Variants in ZNF8 observed in about 807,000 individuals in gnomAD.
ZNF8 encodes the protein zinc finger protein 8.
ZNF8 carries 9 observed loss-of-function variants against 12.2 expected under a neutral mutation model. The observed-to-expected ratio is 0.73, with a 90% CI of 0.44 to 1.28. The LOEUF (loss-of-function observed/expected upper bound fraction) is 1.28, where lower values mean the gene tolerates loss of function less well. ZNF8 is among the 50% of genes most tolerant of loss of function. The pLI is 0.00. For missense variants in ZNF8, 664 were observed against 729.1 expected (o/e 0.91, Z 1.03); for synonymous variants, 274 against 282.3 (o/e 0.97, Z 0.30).
Position 58,294,577 on chromosome 19 carries a change from T to G in ZNF8, c.769T>G (p.Tyr257Asp). 6.2e-7 allele frequency: 1 copy of G among 1,614,086 alleles called. No homozygotes were observed. Among genetic ancestry groups the G allele is most frequent in the Non-Finnish European group, 8.5e-7 (1 of 1,180,022 alleles). Residue 257 changes from tyrosine to aspartate, a missense_variant, in exon 4 of 4, where the codon TAC becomes GAC. Physicochemically the swap from Tyr to Asp is radical, Grantham distance 160. Around this residue, in one of 3 missense-constraint regions of ZNF8, gnomAD observed 133 missense variants for 198.4 expected, o/e 0.67. Transcript: ENST00000621650. The surrounding 1 kb of genome is among the most constrained non-coding windows in gnomAD (Gnocchi z 5.5). Reference protein sequence around the residue: ...LTKSQVQDKPYKCTDCGKSFN... With the variant: ...LTKSQVQDKPDKCTDCGKSFN... ...AAAAAGCCAGGTGCAGGACAAACCC[T>G]ACAAATGTACTGACTGTGGGAAGTC...
At position 58,295,362 on chromosome 19, in the gene ZNF8, G is replaced by C. The variant is rs773219073; in HGVS notation, c.1554G>C (p.Pro518=). 1 of 1,614,130 alleles carries C rather than the reference G, an allele frequency of 6.2e-7. No homozygotes were observed. The highest frequency in any genetic ancestry group is 1.1e-5 in the South Asian group (1 of 91,084). ...RNSHLVQHQH[P]NSRKSSAGGA... is the part of the protein sequence containing the mutation. The stretch of plus-strand genomic sequence containing the variant: ...CACACCTGGTTCAGCATCAACACCC[G>C]AACTCCAGAAAGAGCTCTGCAGGCG... Residue 518 remains proline (P), a synonymous_variant, in exon 4 of 4, where the codon CCG becomes CCC. Transcript: ENST00000621650.
At position 58,286,165 on chromosome 19, in the gene ZNF8, A is replaced by G. The variant is rs751645120; in HGVS notation, c.249A>G (p.Leu83=). Residue 83 remains leucine (L), a synonymous_variant, in exon 3 of 4, where the codon CTA becomes CTG. Transcript: ENST00000621650. ...CCCAGCTGGAGCAAGGGACCGAGCTATGGGTGGCTGAGAGAGGAACCACCC... is the reference window on the plus strand; with the variant it reads ...CCCAGCTGGAGCAAGGGACCGAGCTGTGGGTGGCTGAGAGAGGAACCACCC... ...VISQLEQGTE[L]WVAERGTTQG... is the part of the protein sequence containing the mutation. 1.3e-5 allele frequency: 21 copies of G among 1,613,916 alleles called. No individual in the cohort carries two copies. The highest frequency in any genetic ancestry group is 1.8e-5 in the Non-Finnish European group (21 of 1,179,970).
chr19:58,296,822 A>T lies in ZNF8; in HGVS notation c.*1286A>T, dbSNP rs1258347115. On this transcript the variant is annotated 3_prime_UTR_variant, in exon 4 of 4. Coordinates refer to ENST00000621650, the MANE Select transcript of ZNF8 (RefSeq NM_021089.3). ...GTAGAGGCCAGGGACGCTGCTCAAC[A>T]TCCTTTAGTGCCCGGGACAGCTCCT... is the stretch of plus-strand genomic sequence containing the variant. The T allele has an allele frequency of 1.3e-5, 2 of 152,492 alleles. No homozygotes were observed. Among genetic ancestry groups the T allele is most frequent in the Non-Finnish European group, 2.9e-5 (2 of 68,230 alleles). The allele number at this position is 152,492 out of a possible 1,614,324, so 9.4% of individuals were successfully genotyped here.
At position 58,295,608 on chromosome 19, in the gene ZNF8, A is replaced by G; in HGVS notation, c.*72A>G. On this transcript the variant is annotated 3_prime_UTR_variant, in exon 4 of 4. Coordinates refer to ENST00000621650, the MANE Select transcript of ZNF8 (RefSeq NM_021089.3). ...TAAGTCCACATAGTGTACTCATGGA[A>G]GGAGGGGCTGGGGGTAGAAATGTCA... 1 of 1,268,334 alleles carries G rather than the reference A, an allele frequency of 7.9e-7. No homozygotes were observed. Among genetic ancestry groups the G allele is most frequent in the Non-Finnish European group, 1.1e-6 (1 of 912,600 alleles). 78.6% of individuals were successfully genotyped at this position (1,268,334 alleles called of 1,614,324 possible).
chr19:58,295,121 C>G lies in ZNF8; in HGVS notation c.1313C>G (p.Ala438Gly). ...RQRLIFEQTP[A>G]LTKHEWTEAL... ...AGGCTGATCTTTGAGCAGACGCCAG[C>G]TCTCACAAAGCATGAATGGACAGAA... Residue 438 changes from alanine (A) to glycine (G), a missense_variant, in exon 4 of 4, where the codon GCT (alanine) becomes GGT (glycine). Ala to Gly is a moderately conservative substitution (Grantham distance 60). Transcript: ENST00000621650. 1 of 1,614,026 alleles carries G rather than the reference C, an allele frequency of 6.2e-7. No homozygotes were observed.
chr19:58,281,769 A>G (rs1372467254), intron 1 of ZNF8, among the ~76,000 whole-genome samples: 2 of 152,230 alleles, frequency 1.3e-5, no homozygotes, highest in Admixed American at 6.5e-5. Flanking sequence ...TTTCTTTCTT[A>G]TTTTTTAATC....
intron 1 of ZNF8, among the ~76,000 whole-genome samples, chr19:58,284,869 A>C (rs2051373144): frequency 2.0e-5 from 3 of 152,168 alleles, no homozygotes; most frequent in Admixed American, 2.0e-4. Flanking sequence ...ATAATTTTTC[A>C]CATAAAAATC....
Position 58,278,979 on chromosome 19 carries a change from C to T in ZNF8, c.-103C>T, listed in dbSNP as rs537407412. On this transcript the variant is annotated 5_prime_UTR_variant, in exon 1 of 4. Transcript: ENST00000621650. ...TGTAGTCGCCGCGTCGCCGGTGCGG[C>T]CGCCATTGTCCGGCGTTCGGCGAGT... 2.5e-5 allele frequency: 33 copies of T among 1,306,140 alleles called. 1 individual carries two copies. In the South Asian group the frequency reaches 3.7e-4, roughly 15 times the overall value. 80.9% of individuals were successfully genotyped at this position (1,306,140 alleles called of 1,614,324 possible). A position where few individuals can be genotyped will look rare whatever the true frequency, so the allele number is the denominator to read the frequency against.
At chr19:58,284,886 A>T (rs1339349832) in intron 1 of ZNF8, among the ~76,000 whole-genome samples, 3 of 152,084 alleles carry the variant, frequency 2.0e-5, no homozygotes, top group Non-Finnish European at 2.9e-5. Flanking sequence ...AATCTGACCT[A>T]ATTTTCAGCT....
In ZNF8 at chr19:58,295,192, C is replaced by G. The variant is rs1192790847; in HGVS notation, c.1384C>G (p.Arg462Gly). ...TTTGAGTCAAGATGAGAGGACTCAC[C>G]GAAGCGACAGACCCTTCAAATGTAA... The part of the protein sequence containing the change: ...PPLSQDERTH[R>G]SDRPFKCNQC... The change falls in exon 4 of 4, where the codon CGA becomes GGA. Residue 462 changes from arginine (R) to glycine (G), a missense_variant. Physicochemically the swap from Arg to Gly is moderately radical, Grantham distance 125. Around this residue, in one of 3 missense-constraint regions of ZNF8, gnomAD observed 225 missense variants for 222.0 expected, o/e 1.01. Transcript: ENST00000621650. 3.1e-6 allele frequency: 5 copies of G among 1,614,076 alleles called. No homozygotes were observed. Among genetic ancestry groups the G allele is most frequent in the Non-Finnish European group, 4.2e-6 (5 of 1,180,026 alleles).
chr19:58,283,843 C>T (rs1338734229), intron 1 of ZNF8, among the ~76,000 whole-genome samples: 9 of 152,064 alleles, frequency 5.9e-5, no homozygotes, highest in East Asian at 3.9e-4. Flanking sequence ...TCGTGATCTG[C>T]CCGCCTCGGC....
At chr19:58,286,307 C>A in intron 3 of ZNF8, 102 bp downstream of exon 3, 1 of 916,106 alleles carries the variant, frequency 1.1e-6, no homozygotes, top group Non-Finnish European at 1.7e-6. Context: ...TGAAGACCAC[C>A]CCATTCACTA....
intron 2 of ZNF8, 121 bp downstream of exon 2, chr19:58,285,964 G>A: frequency 6.9e-7 from 1 of 1,457,726 alleles, no homozygotes; most frequent in South Asian, 1.3e-5. Flanking sequence ...GAAGAGGGAG[G>A]TCTGCCCTTT....
chr19:58,279,573 G>A lies in ZNF8; in HGVS notation c.66+426G>A, dbSNP rs1267683835. 2.0e-6 allele frequency: 3 copies of A among 1,531,424 alleles called. No homozygotes were observed. In the East Asian group the frequency reaches 7.3e-5, roughly 37 times the overall value. 94.9% of individuals were successfully genotyped at this position (1,531,424 alleles called of 1,614,324 possible). A position where few individuals can be genotyped will look rare whatever the true frequency, so the allele number is the denominator to read the frequency against. ...GAATAGAGATGCTTTAACGCGTGGAGTCAGCGGACACCCACCGGGACCCCA... is the reference window on the plus strand; with the variant it reads ...GAATAGAGATGCTTTAACGCGTGGAATCAGCGGACACCCACCGGGACCCCA... On this transcript the variant is annotated intron_variant, in intron 1 of 3. Coordinates refer to ENST00000621650, the MANE Select transcript of ZNF8 (RefSeq NM_021089.3).
chr19:58,279,669 A>G lies in ZNF8; in HGVS notation c.66+522A>G, dbSNP rs757718637. On this transcript the variant is annotated intron_variant, in intron 1 of 3. Transcript: ENST00000621650. ...GGCAATGATGGGTCACCACGCACTG[A>G]GTGTGATGAGAGTGACCACCAGGGT... 17 of 1,532,658 alleles carry G rather than the reference A, an allele frequency of 1.1e-5. No individual in the cohort carries two copies. In the South Asian group the frequency reaches 1.9e-4, roughly 17 times the overall value. 94.9% of individuals were successfully genotyped at this position (1,532,658 alleles called of 1,614,324 possible). A position where few individuals can be genotyped will look rare whatever the true frequency, so the allele number is the denominator to read the frequency against.
chr19:58,294,265 CA>C lies in ZNF8; in HGVS notation c.458del (p.Gln153ArgfsTer4). The C allele has an allele frequency of 1.9e-6, 3 of 1,614,058 alleles. No homozygotes were observed. The highest frequency in any genetic ancestry group is 2.5e-6 in the Non-Finnish European group (3 of 1,180,008). On this transcript the variant is annotated frameshift_variant, in exon 4 of 4. Coordinates refer to ENST00000621650, the MANE Select transcript of ZNF8 (RefSeq NM_021089.3). LOFTEE classifies it low-confidence loss of function (END_TRUNC). The surrounding 1 kb of genome is among the most constrained non-coding windows in gnomAD (Gnocchi z 5.5). ...GAGCCAGAGTCTGGCACTCAAGGAGCAGAATAACTTGAAGCAGTTGGAATTT... is the reference window on the plus strand; with the variant it reads ...GAGCCAGAGTCTGGCACTCAAGGAGCGAATAACTTGAAGCAGTTGGAATTT... ...CQSQSLALKE[Q>X]NNLKQLEFGL... is the part of the protein sequence containing the mutation.
rs767296823 is a variant in ZNF8, at chr19:58,295,407, G to A, written c.1599G>A (p.Pro533=). 20 of 1,614,008 alleles carry A rather than the reference G, an allele frequency of 1.2e-5. No homozygotes were observed. The highest frequency in any genetic ancestry group is 3.3e-4 in the Middle Eastern group (2 of 6,084). The change falls in exon 4 of 4, where the codon CCG becomes CCA. Residue 533 remains proline, a synonymous_variant. Transcript: ENST00000621650. Reference sequence around the variant, plus strand: ...CAGGCGGAGCAAAGGCAGGGCAGCCGGAAAGCAGAGCCCTGGCTTTGTTTG... The same window carrying A: ...CAGGCGGAGCAAAGGCAGGGCAGCCAGAAAGCAGAGCCCTGGCTTTGTTTG... ...SSAGGAKAGQ[P]ESRALALFDI... is the part of the protein sequence containing the mutation.
At chr19:58,279,546 T>C (rs1033358734) in intron 1 of ZNF8, 2 of 1,518,648 alleles carry the variant, frequency 1.3e-6, no homozygotes, top group East Asian at 4.9e-5. Context: ...GCAAGAATCA[T>C]CGAATAGAGA....
chr19:58,295,129 A>C lies in ZNF8; in HGVS notation c.1321A>C (p.Lys441Gln). The stretch of plus-strand genomic sequence containing the variant: ...CTTTGAGCAGACGCCAGCTCTCACA[A>C]AGCATGAATGGACAGAAGCCCTGGG... The part of the protein sequence containing the change: ...LIFEQTPALT[K>Q]HEWTEALGCD... Residue 441 changes from lysine to glutamine, a missense_variant, in exon 4 of 4, where the codon AAG (lysine) becomes CAG (glutamine). Lys to Gln is a moderately conservative substitution (Grantham distance 53, BLOSUM62 1). Coordinates refer to ENST00000621650, the MANE Select transcript of ZNF8 (RefSeq NM_021089.3). 4 of 1,614,014 alleles carry C rather than the reference A, an allele frequency of 2.5e-6. No homozygotes were observed. The highest frequency in any genetic ancestry group is 3.4e-6 in the Non-Finnish European group (4 of 1,180,038).
Sources: gnomAD v4.1 joint callset for allele counts (sites outside exome capture counted in the v4.1 genomes callset) on GRCh38, gnomAD v4.1.1 for gene constraint, gnomAD v4.1.1 regional missense constraint, Gnocchi (gnomAD v3.1) non-coding constraint, MANE v1.5 for transcripts, NCBI Gene and HGNC (gene_info 2026-07-23, HGNC 2026-07-21) for gene names.